Variants in ST7 observed in about 807,000 individuals in gnomAD.
ST7 encodes suppressor of tumorigenicity 7 protein.
Under a neutral mutation model 78.7 loss-of-function variants are expected in ST7, and 28 were observed. That is an observed-to-expected ratio of 0.36 (90% CI 0.26 to 0.49). The LOEUF (loss-of-function observed/expected upper bound fraction) is 0.49. Among genes scored for constraint, ST7 ranks in the 20% least tolerant of loss-of-function variants. ST7 has a pLI of 0.99. For synonymous variants in ST7, 247 were observed against 249.6 expected (o/e 0.99, Z 0.10); for missense variants, 418 against 696.0 (o/e 0.60, Z 4.49).
chr7:117,183,287 G>A (rs937422027), intron 10 of ST7, among the ~76,000 whole-genome samples: 7 of 152,036 alleles, frequency 4.6e-5, no homozygotes, highest in Admixed American at 2.6e-4. Flanking sequence ...TTATCCAGGC[G>A]TGGTGGTGTG....
At chr7:116,990,744 CT>C (rs1190118549) in intron 1 of ST7, among the ~76,000 whole-genome samples, 1 of 152,206 alleles carries the variant, frequency 6.6e-6, no homozygotes. Flanking sequence ...CTGGCACTGA[CT>C]GTTCCTTTTT....
intron 1 of ST7, among the ~76,000 whole-genome samples, chr7:117,070,803 A>G (rs1412575800): frequency 6.6e-6 from 1 of 151,692 alleles, no homozygotes; most frequent in African/African-American, 2.4e-5. Flanking sequence ...TCGGCCTCCC[A>G]AAGTGCTGGG....
At position 117,119,880 on chromosome 7, in the gene ST7, G is replaced by A. The variant is rs146480324; in HGVS notation, c.394+160G>A. On this transcript the variant is annotated intron_variant, in intron 3 of 15. Coordinates refer to ENST00000323984, the MANE Select transcript of ST7 (RefSeq NM_001369598.1). The stretch of plus-strand genomic sequence containing the variant: ...GGAGTTGACAACCTGTATCAGAGAG[G>A]GAGGGTATAAACATCCTAGGGAAAG... 4.7e-3 allele frequency among the ~76,000 whole-genome samples: 716 copies of A among 152,152 alleles called. 11 individuals are homozygous for A. The highest frequency in any genetic ancestry group is 0.017 in the African/African-American group (685 of 41,512).
intron 1 of ST7, among the ~76,000 whole-genome samples, chr7:117,080,302 T>C (rs1037088120): frequency 2.0e-5 from 3 of 152,160 alleles, no homozygotes; most frequent in South Asian, 2.1e-4. Flanking sequence ...AGCTAACGTA[T>C]CATCTATACA....
chr7:117,168,611 T>C (rs1807744431), intron 9 of ST7, among the ~76,000 whole-genome samples: 1 of 152,200 alleles, frequency 6.6e-6, no homozygotes, highest in Non-Finnish European at 1.5e-5. Flanking sequence ...TATAGTCTTA[T>C]TCACCTCCTT....
chr7:117,187,167 A>T (rs138857103), intron 10 of ST7, among the ~76,000 whole-genome samples: 1 of 152,330 alleles, frequency 6.6e-6, no homozygotes, highest in Admixed American at 6.5e-5. Context: ...AAAGAATAAC[A>T]TTGAAAATAT....
intron 6 of ST7, among the ~76,000 whole-genome samples, chr7:117,132,412 G>A (rs914156483): frequency 2.0e-5 from 3 of 151,750 alleles, no homozygotes; most frequent in Non-Finnish European, 4.4e-5. Flanking sequence ...AAAGATAAGA[G>A]GAAATGCTGT....
At chr7:117,134,918 C>T (rs1360794375) in intron 7 of ST7, among the ~76,000 whole-genome samples, 2 of 152,164 alleles carry the variant, frequency 1.3e-5, no homozygotes, top group African/African-American at 2.4e-5. Flanking sequence ...CAGACCCTTC[C>T]TAAGGCTAAG....
chr7:117,061,005 C>CA (rs886607252), intron 1 of ST7, among the ~76,000 whole-genome samples: 26 of 150,630 alleles, frequency 1.7e-4, no homozygotes, highest in Non-Finnish European at 2.8e-4. Context: ...GACTCTGTCT[C>CA]AAAAAAAACA....
intron 1 of ST7, among the ~76,000 whole-genome samples, chr7:117,053,012 T>C (rs1797868000): frequency 6.6e-6 from 1 of 152,254 alleles, no homozygotes; most frequent in South Asian, 2.1e-4. Context: ...TTCTGTATCT[T>C]ATCAACTATT....
intron 1 of ST7, among the ~76,000 whole-genome samples, chr7:117,018,075 T>C (rs1391380013): frequency 6.6e-6 from 1 of 152,180 alleles, no homozygotes; most frequent in Non-Finnish European, 1.5e-5. Context: ...CACCCTCTCA[T>C]GTATGAGCCA....
chr7:117,064,578 A>AT (rs1259103714), intron 1 of ST7, among the ~76,000 whole-genome samples: 2 of 152,316 alleles, frequency 1.3e-5, no homozygotes, highest in Admixed American at 1.3e-4. Flanking sequence ...CTTCAGTCAA[A>AT]TTTTAATGCT....
intron 5 of ST7, among the ~76,000 whole-genome samples, chr7:117,131,223 T>G (rs1188035409): frequency 1.3e-5 from 2 of 151,852 alleles, no homozygotes; most frequent in Non-Finnish European, 2.9e-5. Context: ...TAAAATAATT[T>G]ATAAAATACA....
intron 10 of ST7, among the ~76,000 whole-genome samples, chr7:117,174,847 T>C (rs1349652224): frequency 6.6e-6 from 1 of 152,162 alleles, no homozygotes; most frequent in African/African-American, 2.4e-5. Flanking sequence ...CAAGACCACA[T>C]TCTTAGAAAA....
chr7:117,219,221 G>T lies in ST7; in HGVS notation c.1498+45G>T, dbSNP rs754791105. On this transcript the variant is annotated intron_variant, in intron 14 of 15. Transcript: ENST00000323984. This position sits in a 1 kb window ranked among gnomAD's most constrained non-coding sequence, Gnocchi z 5.1. The stretch of plus-strand genomic sequence containing the variant: ...AGCCAGTGAGGGTGTGTGGTGAAAG[G>T]TGGGGATTGGAAGAGGTGGGAATAT... The T allele has an allele frequency of 1.3e-6, 2 of 1,509,270 alleles. No individual in the cohort carries two copies. Among genetic ancestry groups the T allele is most frequent in the East Asian group, 2.3e-5 (1 of 43,920 alleles). The allele number at this position is 1,509,270 out of a possible 1,614,324, so 93.5% of individuals were successfully genotyped here. A position where few individuals can be genotyped will look rare whatever the true frequency, so the allele number is the denominator to read the frequency against.
rs745321642 is a variant in ST7, at chr7:116,956,608, AG to A, written c.151+2922del. The A allele has an allele frequency of 1.8e-4, 83 of 471,090 alleles. 1 individual carries two copies. Among genetic ancestry groups the A allele is most frequent in the Admixed American group, 1.2e-3 (49 of 42,568 alleles). The allele number at this position is 471,090 out of a possible 1,614,324, so 29.2% of individuals were successfully genotyped here. On this transcript the variant is annotated intron_variant, in intron 1 of 15. Coordinates refer to ENST00000323984, the MANE Select transcript of ST7 (RefSeq NM_001369598.1). ...TCCATAGGCCCAGCTCTGTACCTGT[AG>A]GGGGATGGAATCTGCTAAAAGTGTT...
intron 1 of ST7, chr7:117,020,331 G>A (rs1477162744): frequency 2.2e-6 from 1 of 453,080 alleles, no homozygotes; most frequent in Non-Finnish European, 3.9e-6. Flanking sequence ...GAGGCACGTC[G>A]GCCTTCATTT....
At chr7:117,147,962 G>T (rs1367289081) in intron 9 of ST7, among the ~76,000 whole-genome samples, 1 of 152,048 alleles carries the variant, frequency 6.6e-6, no homozygotes, top group East Asian at 1.9e-4. Flanking sequence ...ATATGGTCAG[G>T]TTTAATAAAT....
intron 1 of ST7, chr7:116,959,019 C>T (rs1280847872): frequency 2.8e-6 from 1 of 360,002 alleles, no homozygotes; most frequent in South Asian, 2.2e-5. Flanking sequence ...AAAGATTTCT[C>T]TGTATCATGT....
Sources: gnomAD v4.1 joint callset for allele counts (sites outside exome capture counted in the v4.1 genomes callset) on GRCh38, gnomAD v4.1.1 for gene constraint, Gnocchi (gnomAD v3.1) non-coding constraint, MANE v1.5 for transcripts, NCBI Gene and HGNC (gene_info 2026-07-23, HGNC 2026-07-21) for gene names.